Variants in GNB5 observed in about 807,000 individuals in gnomAD.
GNB5 encodes the protein G protein subunit beta 5, also known as guanine nucleotide-binding protein subunit beta-5.
Under a neutral mutation model 55.3 loss-of-function variants are expected in GNB5, and 37 were observed. The ratio of observed to expected loss-of-function variants is 0.67; its 90% CI spans 0.51 to 0.88. GNB5 has a LOEUF of 0.88. GNB5 is among the 40% of genes least tolerant of loss of function. GNB5 has a pLI of 0.00. For missense variants in GNB5, 476 were observed against 515.3 expected (o/e 0.92, Z 0.74); for synonymous variants, 219 against 198.5 (o/e 1.10, Z -0.87).
chr15:52,163,262 T>C (rs1326317947), intron 3 of GNB5, among the ~76,000 whole-genome samples: 1 of 152,212 alleles, frequency 6.6e-6, no homozygotes, highest in Non-Finnish European at 1.5e-5. Flanking sequence ...AGTGGCAGCG[T>C]GGCCACACAC....
chr15:52,118,881 A>AAG lies in GNB5; in HGVS notation c.*3875_*3876insCT, dbSNP rs1298499556. On this transcript the variant is annotated 3_prime_UTR_variant, in exon 13 of 13. Coordinates refer to ENST00000261837, the MANE Select transcript of GNB5 (RefSeq NM_016194.4). ...GCAAAACTCCACGTAAAAAAAAAAA[A>AAG]AAAAAAAAAGTGTACAGAGATCCTA... The AAG allele has an allele frequency of 6.6e-6, 1 of 151,370 alleles. No homozygotes were observed. The highest frequency in any genetic ancestry group is 2.4e-5 in the African/African-American group (1 of 41,136). The allele number at this position is 151,370 out of a possible 1,614,324, so 9.4% of individuals were successfully genotyped here.
chr15:52,189,132 A>G (rs2034884478), intron 1 of GNB5, among the ~76,000 whole-genome samples: 1 of 152,254 alleles, frequency 6.6e-6, no homozygotes, highest in South Asian at 2.1e-4. Flanking sequence ...TCAATTAAAA[A>G]TGGACAAAAG....
chr15:52,135,328 CA>C (rs2141193316), intron 8 of GNB5, among the ~76,000 whole-genome samples: 1 of 152,276 alleles, frequency 6.6e-6, no homozygotes, highest in Non-Finnish European at 1.5e-5. Context: ...TTGCAGCACT[CA>C]TACAGGAGAA....
chr15:52,178,321 G>C (rs2034692226), intron 3 of GNB5, among the ~76,000 whole-genome samples: 2 of 152,176 alleles, frequency 1.3e-5, no homozygotes, highest in Admixed American at 1.3e-4. Flanking sequence ...TGTTGGCCAG[G>C]CTGGTCTCAA....
chr15:52,135,753 G>T lies in GNB5; in HGVS notation c.631C>A (p.Leu211Met), dbSNP rs1295419694. 2.5e-6 allele frequency: 4 copies of T among 1,611,906 alleles called. No individual in the cohort carries two copies. Among genetic ancestry groups the T allele is most frequent in the Non-Finnish European group, 3.4e-6 (4 of 1,179,808 alleles). Residue 211 changes from leucine to methionine, a missense_variant, in exon 8 of 13, where the codon CTG becomes ATG. Leu to Met is a conservative substitution (Grantham distance 15). Coordinates refer to ENST00000261837, the MANE Select transcript of GNB5 (RefSeq NM_016194.4). ...CSFTNSDMQI[L>M]TASGDGTCAL... is the part of the protein sequence containing the mutation. Reference sequence around the variant, plus strand: ...CATGTGCCATCGCCGCTCGCTGTCAGGATCTGCCCGCAGAAAAGGACAGGA... The same window carrying T: ...CATGTGCCATCGCCGCTCGCTGTCATGATCTGCCCGCAGAAAAGGACAGGA...
chr15:52,177,028 CTTTTTTTT>C (rs545411940), intron 3 of GNB5, among the ~76,000 whole-genome samples: 2 of 77,820 alleles, frequency 2.6e-5, no homozygotes, highest in African/African-American at 1.0e-4. Context: ...CTAGCTCCTC[CTTTTTTTT>C]TTTTTTTTTT....
intron 9 of GNB5, 95 bp downstream of exon 9, chr15:52,133,282 TA>T: frequency 1.3e-6 from 1 of 798,498 alleles, no homozygotes; most frequent in Non-Finnish European, 2.1e-6. Flanking sequence ...CTCAGCCAAG[TA>T]AACTGAGTCT....
At chr15:52,145,157 T>C (rs2141205204) in intron 6 of GNB5, among the ~76,000 whole-genome samples, 1 of 152,256 alleles carries the variant, frequency 6.6e-6, no homozygotes, top group South Asian at 2.1e-4. Flanking sequence ...TTGTGGCCTA[T>C]TTCTCTCTTG....
At chr15:52,154,545 C>A (rs1402380268) in intron 3 of GNB5, among the ~76,000 whole-genome samples, 1 of 152,134 alleles carries the variant, frequency 6.6e-6, no homozygotes, top group Non-Finnish European at 1.5e-5. Flanking sequence ...CAGGCTGGGG[C>A]TTCTAGTTCT....
chr15:52,158,729 T>C (rs2034268085), intron 3 of GNB5, among the ~76,000 whole-genome samples: 1 of 152,116 alleles, frequency 6.6e-6, no homozygotes, highest in South Asian at 2.1e-4. Flanking sequence ...GGATTTGGTC[T>C]TTACCACGCA....
At chr15:52,166,276 A>G (rs968359768) in intron 3 of GNB5, among the ~76,000 whole-genome samples, 1 of 152,234 alleles carries the variant, frequency 6.6e-6, no homozygotes, top group Non-Finnish European at 1.5e-5. Context: ...AACATTAGAC[A>G]GATCATTGAG....
At chr15:52,146,158 C>G (rs914250470) in intron 6 of GNB5, among the ~76,000 whole-genome samples, 1 of 152,008 alleles carries the variant, frequency 6.6e-6, no homozygotes, top group Non-Finnish European at 1.5e-5. Flanking sequence ...GGGGTTTCAC[C>G]ATGTTAGCCA....
rs918104484 is a variant in GNB5 at position 52,163,066 on chromosome 15, G to A, written c.239-8990C>T. ...AGCAGGGTGGGGAGATGGCCCACCC[G>A]GGGGGCAACACTGAGCCAGGGGAGC... is the stretch of plus-strand genomic sequence containing the variant. On this transcript the variant is annotated intron_variant, in intron 3 of 12. Coordinates refer to ENST00000261837, the MANE Select transcript of GNB5 (RefSeq NM_016194.4). 5.0e-4 allele frequency among the ~76,000 whole-genome samples: 76 copies of A among 152,026 alleles called. 1 individual carries two copies. Among genetic ancestry groups the A allele is most frequent in the Middle Eastern group, 3.4e-3 (1 of 294 alleles).
intron 11 of GNB5, 53 bp downstream of exon 11, chr15:52,125,895 C>T (rs2033411540): frequency 1.3e-6 from 1 of 758,718 alleles, no homozygotes; most frequent in Admixed American, 2.1e-5. Context: ...GCGCTAGTTT[C>T]ATTCTGGTCC....
At chr15:52,131,873 T>TGACCTCTCTCTTGG (rs1170322066) in intron 9 of GNB5, among the ~76,000 whole-genome samples, 1 of 152,250 alleles carries the variant, frequency 6.6e-6, no homozygotes, top group East Asian at 1.9e-4. Flanking sequence ...TGGCAAGTCC[T>TGACCTCTCTCTTGG]GACCTCTCTC....
intron 7 of GNB5, chr15:52,138,060 G>T: frequency 1.3e-6 from 1 of 772,470 alleles, no homozygotes; most frequent in Non-Finnish European, 1.9e-6. Context: ...CTCACCCTTT[G>T]CCCCCTTTCC....
At position 52,153,918 on chromosome 15, in the gene GNB5, T is replaced by C. The variant is rs373326747; in HGVS notation, c.375+22A>G. The C allele has an allele frequency of 3.8e-6, 6 of 1,599,680 alleles. No individual in the cohort carries two copies. In the African/African-American group the frequency reaches 4.0e-5, roughly 11 times the overall value. On this transcript the variant is annotated intron_variant, in intron 4 of 12. Coordinates refer to ENST00000261837, the MANE Select transcript of GNB5 (RefSeq NM_016194.4). The stretch of plus-strand genomic sequence containing the variant: ...ATAAAATCCAAAACCCGCTCACCTG[T>C]TATGCAGCAGGTGTGACATACCTGT...
chr15:52,175,162 T>G (rs1052540428), intron 3 of GNB5, among the ~76,000 whole-genome samples: 3 of 152,132 alleles, frequency 2.0e-5, no homozygotes, highest in African/African-American at 7.2e-5. Flanking sequence ...TAAAGGGGTC[T>G]CCCTGACTAG....
chr15:52,117,102 A>ATATATATATATTTTTTTTTTT lies in GNB5; in HGVS notation c.*5654_*5655insAAAAAAAAAAATATATATATA. 21 of 87,100 alleles carry ATATATATATATTTTTTTTTTT rather than the reference A, an allele frequency of 2.4e-4. 2 individuals are homozygous for ATATATATATATTTTTTTTTTT. Among genetic ancestry groups the ATATATATATATTTTTTTTTTT allele is most frequent in the African/African-American group, 1.0e-3 (17 of 16,446 alleles). 5.4% of individuals were successfully genotyped at this position (87,100 alleles called of 1,614,324 possible). A position where few individuals can be genotyped will look rare whatever the true frequency, so the allele number is the denominator to read the frequency against. On this transcript the variant is annotated 3_prime_UTR_variant, in exon 13 of 13. Transcript: ENST00000261837. ...CCACGCCCAGCTAATATATATATAT[A>ATATATATATATTTTTTTTTTT]TTTTTTTTTAGTACAGACAGGGTTT...
Sources: allele counts gnomAD v4.1 joint callset (sites outside exome capture counted in the v4.1 genomes callset), GRCh38; gene constraint gnomAD v4.1.1; transcripts MANE v1.5; gene names NCBI Gene and HGNC (gene_info 2026-07-23, HGNC 2026-07-21).